CSRNP3: variants seen among roughly 807,000 people sequenced by gnomAD.
CSRNP3 encodes cysteine and serine rich nuclear protein 3, also known as cysteine/serine-rich nuclear protein 3.
In CSRNP3, 12 loss-of-function variants were observed where a neutral mutation model predicts 48.0. The ratio of observed to expected loss-of-function variants is 0.25; its 90% CI spans 0.16 to 0.41. The LOEUF is 0.41. Among genes scored for constraint, CSRNP3 ranks in the 10% least tolerant of loss-of-function variants. CSRNP3 has a pLI of 1.00. For missense variants in CSRNP3, 580 were observed against 724.4 expected, an observed-to-expected ratio of 0.80 and a Z score of 2.29; for synonymous variants, 263 against 269.7, an observed-to-expected ratio of 0.98 and a Z score of 0.24.
intron 1 of CSRNP3, among the ~76,000 whole-genome samples, chr2:165,488,619 A>C (rs1317574385): frequency 7.1e-6 from 1 of 140,958 alleles, no homozygotes; most frequent in Non-Finnish European, 1.5e-5. Flanking sequence ...GTGCAATGAA[A>C]CTAGAACTCA....
intron 3 of CSRNP3, among the ~76,000 whole-genome samples, 176 bp from the exon 4 acceptor site, chr2:165,594,867 T>G (rs1204183659): frequency 6.6e-6 from 1 of 152,192 alleles, no homozygotes; most frequent in East Asian, 1.9e-4. Context: ...ATATTTAATT[T>G]AATCTTATTT....
intron 4 of CSRNP3, among the ~76,000 whole-genome samples, chr2:165,600,503 C>T (rs903591686): frequency 7.9e-5 from 12 of 152,324 alleles, no homozygotes; most frequent in Admixed American, 3.9e-4. Context: ...CCTGAGGAAT[C>T]ACCACACTGA....
chr2:165,584,857 G>A (rs1269586974), intron 3 of CSRNP3, among the ~76,000 whole-genome samples: 1 of 152,042 alleles, frequency 6.6e-6, no homozygotes, highest in African/African-American at 2.4e-5. Flanking sequence ...TGTGCCACAC[G>A]TAAAATATAC....
In CSRNP3 at chr2:165,518,963, G is replaced by C. The variant is rs571382352; in HGVS notation, c.-24+1002G>C. ...AACTCAGGCAACATATAATTAAACA[G>C]ACAAGCCAAATTTTATAAGGGCATG... On this transcript the variant is annotated intron_variant, in intron 3 of 6. Coordinates refer to ENST00000651982, the MANE Select transcript of CSRNP3 (RefSeq NM_001172173.2). Among the ~76,000 whole-genome samples the C allele has an allele frequency of 1.3e-3, 192 of 152,110 alleles. 2 individuals are homozygous for C. The highest frequency in any genetic ancestry group is 1.9e-3 in the South Asian group (9 of 4,818).
chr2:165,670,793 A>C (rs1687315104), intron 5 of CSRNP3, among the ~76,000 whole-genome samples: 1 of 152,204 alleles, frequency 6.6e-6, no homozygotes, highest in Admixed American at 6.5e-5. Flanking sequence ...TCAAGAAAAC[A>C]CAGAAATAAA....
Position 165,576,924 on chromosome 2 carries a change from C to T in CSRNP3, c.-23-18119C>T, listed in dbSNP as rs542784068. Among the ~76,000 whole-genome samples the T allele has an allele frequency of 2.6e-5, 4 of 151,852 alleles. No individual in the cohort carries two copies. The South Asian group carries it at 8.3e-4, about 32-fold the overall frequency. On this transcript the variant is annotated intron_variant, in intron 3 of 6. Coordinates refer to ENST00000651982, the MANE Select transcript of CSRNP3 (RefSeq NM_001172173.2). ...TGAGGATTTTTCAAAAATGAATTTCCTGCTCTTTGATTACCAGTCTGTCTT... is the reference window on the plus strand; with the variant it reads ...TGAGGATTTTTCAAAAATGAATTTCTTGCTCTTTGATTACCAGTCTGTCTT...
At chr2:165,543,940 T>C (rs748415827) in intron 3 of CSRNP3, among the ~76,000 whole-genome samples, 1 of 152,016 alleles carries the variant, frequency 6.6e-6, no homozygotes, top group Non-Finnish European at 1.5e-5. Flanking sequence ...GTATCTTAAC[T>C]TTCTAGTGAC....
At chr2:165,500,532 A>G (rs1684345357) in intron 2 of CSRNP3, among the ~76,000 whole-genome samples, 1 of 151,260 alleles carries the variant, frequency 6.6e-6, no homozygotes, top group South Asian at 2.1e-4. Context: ...TTCTTGGCTC[A>G]CTGCAACCTC....
intron 3 of CSRNP3, among the ~76,000 whole-genome samples, chr2:165,523,541 G>A (rs547422241): frequency 8.9e-4 from 135 of 152,246 alleles, no homozygotes; most frequent in Non-Finnish European, 1.5e-3. Context: ...CTAAAGGCAC[G>A]GATGACCCAC....
At chr2:165,500,415 A>ATATATACACACACACACACACACACG (rs1327464986) in intron 2 of CSRNP3, among the ~76,000 whole-genome samples, 1 of 119,992 alleles carries the variant, frequency 8.3e-6, no homozygotes, top group Non-Finnish European at 1.7e-5. Context: ...GTATACATAT[A>ATATATACACACACACACACACACACG]TATATACACA....
At position 165,561,884 on chromosome 2, in the gene CSRNP3, T is replaced by A. The variant is rs539989104; in HGVS notation, c.-23-33159T>A. On this transcript the variant is annotated intron_variant, in intron 3 of 6. Coordinates refer to ENST00000651982, the MANE Select transcript of CSRNP3 (RefSeq NM_001172173.2). The stretch of plus-strand genomic sequence containing the variant: ...TTATTAATCAATGTCTTAATAAGTA[T>A]TTATTATGTTAAATACTAATAAAGT... Among the ~76,000 whole-genome samples, 88 of 152,280 alleles carry A rather than the reference T, an allele frequency of 5.8e-4. 2 individuals are homozygous for A. The South Asian group carries it at 0.018, about 31-fold the overall frequency.
intron 3 of CSRNP3, among the ~76,000 whole-genome samples, chr2:165,557,034 G>A (rs1272758748): frequency 6.6e-6 from 1 of 152,104 alleles, no homozygotes; most frequent in Non-Finnish European, 1.5e-5. Context: ...CGAAAAGGAA[G>A]GGTGGCAAAA....
rs1158014211 is a variant in CSRNP3, at chr2:165,679,428, T to C, written c.1433T>C (p.Val478Ala). 1.9e-6 allele frequency: 3 copies of C among 1,613,036 alleles called. No homozygotes were observed. In the South Asian group the frequency reaches 3.3e-5, roughly 18 times the overall value. ...TACACCATGACCCCGGAGCAATTCG[T>C]TGACTATGCCCGACAAGCAGAAGAG... ...VPYTMTPEQF[V>A]DYARQAEEAY... The change falls in exon 7 of 7, where the codon GTT becomes GCT. Residue 478 changes from valine (V) to alanine (A), a missense_variant. Around this residue, in one of 4 missense-constraint regions of CSRNP3, gnomAD observed 369 missense variants for 380.8 expected, o/e 0.97. Coordinates refer to ENST00000651982, the MANE Select transcript of CSRNP3 (RefSeq NM_001172173.2).
chr2:165,577,050 T>A (rs1685462023), intron 3 of CSRNP3, among the ~76,000 whole-genome samples: 1 of 151,926 alleles, frequency 6.6e-6, no homozygotes, highest in Non-Finnish European at 1.5e-5. Flanking sequence ...GTCTAAAATC[T>A]ACAAATAACT....
At chr2:165,576,496 C>G (rs1310797114) in intron 3 of CSRNP3, among the ~76,000 whole-genome samples, 1 of 151,882 alleles carries the variant, frequency 6.6e-6, no homozygotes, top group Non-Finnish European at 1.5e-5. Flanking sequence ...AGAAGGAAAG[C>G]CCATGAAGAT....
chr2:165,636,198 A>G (rs1385518127), intron 4 of CSRNP3, among the ~76,000 whole-genome samples: 1 of 152,210 alleles, frequency 6.6e-6, no homozygotes, highest in Non-Finnish European at 1.5e-5. Flanking sequence ...GGCAAGTGAC[A>G]CATTCATATG....
chr2:165,655,756 G>C (rs1161867980), intron 4 of CSRNP3, among the ~76,000 whole-genome samples: 1 of 152,192 alleles, frequency 6.6e-6, no homozygotes, highest in Non-Finnish European at 1.5e-5. Flanking sequence ...TTCTTGGCTT[G>C]TGGTGGAGAA....
intron 4 of CSRNP3, among the ~76,000 whole-genome samples, chr2:165,652,906 G>A (rs1030808968): frequency 6.6e-6 from 1 of 152,112 alleles, no homozygotes; most frequent in African/African-American, 2.4e-5. Flanking sequence ...TCCTTTTCTT[G>A]CTCTTGACCT....
At chr2:165,653,309 T>G (rs974812972) in intron 4 of CSRNP3, among the ~76,000 whole-genome samples, 2 of 152,178 alleles carry the variant, frequency 1.3e-5, no homozygotes, top group Non-Finnish European at 2.9e-5. Flanking sequence ...GAATCATTGT[T>G]CTCACAATGT....
Sources: allele counts gnomAD v4.1 joint callset (sites outside exome capture counted in the v4.1 genomes callset), GRCh38; gene constraint gnomAD v4.1.1; regional missense constraint gnomAD v4.1.1; transcripts MANE v1.5; gene names NCBI Gene and HGNC (gene_info 2026-07-23, HGNC 2026-07-21).